Variants in COL4A4 observed in about 807,000 individuals in gnomAD.
COL4A4 encodes the protein collagen type IV alpha 4 chain.
Under a neutral mutation model 192.9 loss-of-function variants are expected in COL4A4, and 105 were observed. The observed-to-expected ratio is 0.54, with a 90% CI of 0.46 to 0.64. The LOEUF (loss-of-function observed/expected upper bound fraction) is 0.64. Ranked by LOEUF, COL4A4 falls within the 30% of genes least tolerant of loss-of-function variation. The probability of loss-of-function intolerance (pLI) is 0.00; values close to 1 mark genes in which losing one functional copy is unlikely to be tolerated. For missense variants in COL4A4, 1,967 were observed against 2,169.3 expected (o/e 0.91, Z 1.85); for synonymous variants, 762 against 769.9 (o/e 0.99, Z 0.17).
chr2:227,115,294 A>G (rs1435987019), intron 7 of COL4A4, among the ~76,000 whole-genome samples: 1 of 133,720 alleles, frequency 7.5e-6, no homozygotes, highest in Non-Finnish European at 1.5e-5. Context: ...TTTTTGAGAC[A>G]GAGTCTCGCT....
the COL4A4 span, among the ~76,000 whole-genome samples, chr2:226,994,872 G>T: frequency 6.6e-6 from 1 of 152,144 alleles, no homozygotes; most frequent in Non-Finnish European, 1.5e-5. Context: ...CTTGAAATAT[G>T]ATGCCTACAT....
At chr2:227,090,666 C>T (rs1576433794) in intron 20 of COL4A4, among the ~76,000 whole-genome samples, 2 of 151,828 alleles carry the variant, frequency 1.3e-5, no homozygotes, top group South Asian at 4.2e-4. Flanking sequence ...GCAGGAGAAT[C>T]GCTTGAACCT....
chr2:227,147,388 A>C (rs371902113), intron 2 of COL4A4, 25 bp downstream of exon 2: 3 of 1,602,584 alleles, frequency 1.9e-6, no homozygotes, highest in Non-Finnish European at 2.6e-6. Context: ...AAATAAAAGC[A>C]GGCAATCACA....
chr2:227,147,420 C>T lies in COL4A4; in HGVS notation c.64G>A (p.Gly22Ser), dbSNP rs779795137. 8.7e-6 allele frequency: 14 copies of T among 1,613,410 alleles called. No homozygotes were observed. Among genetic ancestry groups the T allele is most frequent in the African/African-American group, 1.3e-5 (1 of 74,878 alleles). Residue 22 changes from glycine to serine, a missense_variant, in exon 2 of 48, where the codon GGT (glycine) becomes AGT (serine). Physicochemically the swap from Gly to Ser is moderately conservative, Grantham distance 56. Transcript: ENST00000396625. Reference protein sequence around the residue: ...SFRLTKSLATGPWSLILILFS... With the variant: ...SFRLTKSLATSPWSLILILFS... ...CACACTGAGGATACTCACCAGGGAC[C>T]TGTGGCCAAGGACTTGGTCAATCTG...
rs968682836 is a variant in COL4A4 at position 227,097,636 on chromosome 2, C to T, written c.1204+1058G>A. Among the ~76,000 whole-genome samples, 6 of 152,252 alleles carry T rather than the reference C, an allele frequency of 3.9e-5. No individual in the cohort carries two copies. The South Asian group carries it at 1.2e-3, about 32-fold the overall frequency. On this transcript the variant is annotated intron_variant, in intron 19 of 47. Coordinates refer to ENST00000396625, the MANE Select transcript of COL4A4 (RefSeq NM_000092.5). ...AAGCCTGATTGGAGAATTCTAAGAC[C>T]AGAGTCCAGTGCTTTCTGACCAACG... is the stretch of plus-strand genomic sequence containing the variant.
At chr2:227,042,403 A>G in intron 36 of COL4A4, 148 bp from the exon 37 acceptor site, 1 of 626,166 alleles carries the variant, frequency 1.6e-6, no homozygotes. Flanking sequence ...TAGGGAGAAA[A>G]ATACATTTAA....
chr2:227,118,847 C>G, intron 6 of COL4A4, 86 bp from the exon 7 acceptor site: 1 of 855,290 alleles, frequency 1.2e-6, no homozygotes, highest in South Asian at 1.3e-5. Flanking sequence ...CAAATTATGG[C>G]AATTGTGATT....
intron 37 of COL4A4, among the ~76,000 whole-genome samples, chr2:227,038,328 T>G (rs547234694): frequency 6.6e-6 from 1 of 152,358 alleles, no homozygotes; most frequent in African/African-American, 2.4e-5. Flanking sequence ...TAGGGAACCC[T>G]TTCCCCATTG....
At chr2:227,053,440 C>A (rs1412204207) in intron 31 of COL4A4, among the ~76,000 whole-genome samples, 1 of 151,756 alleles carries the variant, frequency 6.6e-6, no homozygotes, top group Non-Finnish European at 1.5e-5. Context: ...AGCCACAGGA[C>A]TAAGGAGTAG....
intron 26 of COL4A4, 24 bp from the exon 27 acceptor site, chr2:227,060,267 A>C: frequency 1.3e-6 from 2 of 1,495,090 alleles, no homozygotes; most frequent in Non-Finnish European, 1.9e-6. Context: ...AAAACAAAAC[A>C]CAGACTCAAT....
Position 227,109,281 on chromosome 2 carries a change from A to G in COL4A4, c.600T>C (p.Ser200=). Residue 200 remains serine (S), a synonymous_variant, in exon 10 of 48, where the codon TCT becomes TCC. Coordinates refer to ENST00000396625, the MANE Select transcript of COL4A4 (RefSeq NM_000092.5). ...GACCTGCCGGTCCTCCTGCACCCCAAGATCCCTAAACATGAGAAAAATCAG... is the reference window on the plus strand; with the variant it reads ...GACCTGCCGGTCCTCCTGCACCCCAGGATCCCTAAACATGAGAAAAATCAG... ...GDPGLPGLPG[S]WGAGGPAGPT... 6.2e-7 allele frequency: 1 copy of G among 1,613,968 alleles called. No homozygotes were observed. Among genetic ancestry groups the G allele is most frequent in the Non-Finnish European group, 8.5e-7 (1 of 1,179,812 alleles).
intron 4 of COL4A4, among the ~76,000 whole-genome samples, chr2:227,131,151 T>TC (rs796597494): frequency 0.023 from 3,518 of 151,244 alleles, 147 homozygotes; most frequent in African/African-American, 0.08. Flanking sequence ...TTTTTTTTTT[T>TC]TTTCTTTCTT....
chr2:227,061,386 A>G (rs1250895276), intron 26 of COL4A4, among the ~76,000 whole-genome samples: 7 of 152,220 alleles, frequency 4.6e-5, no homozygotes, highest in Non-Finnish European at 8.8e-5. Context: ...CCATGATCCA[A>G]TCAGAGGTGT....
At chr2:226,994,954 C>T in the COL4A4 span, among the ~76,000 whole-genome samples, 1 of 152,088 alleles carries the variant, frequency 6.6e-6, no homozygotes, top group Non-Finnish European at 1.5e-5. Context: ...GTTTCAATCA[C>T]GCATGATTCT....
chr2:227,013,838 A>G (rs1476968510), intron 44 of COL4A4, among the ~76,000 whole-genome samples: 1 of 152,190 alleles, frequency 6.6e-6, no homozygotes, highest in Non-Finnish European at 1.5e-5. Flanking sequence ...TGAGGATGCC[A>G]GTCAACCCAG....
chr2:226,975,743 CT>C, the COL4A4 span, among the ~76,000 whole-genome samples: 1 of 152,290 alleles, frequency 6.6e-6, no homozygotes, highest in Admixed American at 6.5e-5. Context: ...TAAGTATTGC[CT>C]TGTGTACTGA....
intron 37 of COL4A4, among the ~76,000 whole-genome samples, chr2:227,041,834 A>AGAG (rs1971216666): frequency 2.4e-5 from 1 of 41,820 alleles, no homozygotes; most frequent in Non-Finnish European, 4.3e-5. Context: ...GAAAGAAAGA[A>AGAG]AGAAAGAAAG....
the COL4A4 span, among the ~76,000 whole-genome samples, chr2:226,994,497 T>A: frequency 6.6e-6 from 1 of 152,192 alleles, no homozygotes; most frequent in Admixed American, 6.5e-5. Context: ...CTGGTTGATG[T>A]AGGTGATGGG....
At chr2:227,069,888 G>C (rs2058602628) in intron 25 of COL4A4, among the ~76,000 whole-genome samples, 1 of 151,772 alleles carries the variant, frequency 6.6e-6, no homozygotes, top group South Asian at 2.1e-4. Flanking sequence ...TTAAACTAAA[G>C]AGCTTCTGCA....
Sources: allele counts gnomAD v4.1 joint callset (sites outside exome capture counted in the v4.1 genomes callset), GRCh38; gene constraint gnomAD v4.1.1; transcripts MANE v1.5; gene names NCBI Gene and HGNC (gene_info 2026-07-23, HGNC 2026-07-21).